Variants in TRIML1 observed in about 807,000 individuals in gnomAD.
TRIML1 encodes the protein tripartite motif family like 1.
TRIML1 carries 34 observed loss-of-function variants against 32.3 expected under a neutral mutation model. The observed-to-expected ratio is 1.05, with a 90% CI of 0.80 to 1.40. The LOEUF is 1.40. TRIML1 is among the 40% of genes most tolerant of loss of function. The probability of loss-of-function intolerance (pLI) is 0.00; values close to 1 mark genes in which losing one functional copy is unlikely to be tolerated. For synonymous variants in TRIML1, 244 were observed against 226.6 expected, an observed-to-expected ratio of 1.08 and a Z score of -0.69; for missense variants, 595 against 574.9, an observed-to-expected ratio of 1.03 and a Z score of -0.36.
At chr4:188,146,520 G>C (rs889118836) in intron 5 of TRIML1, among the ~76,000 whole-genome samples, 3 of 151,996 alleles carry the variant, frequency 2.0e-5, no homozygotes, top group Non-Finnish European at 4.4e-5. Flanking sequence ...AGCAATTCTC[G>C]TGCCTCAGCC....
At chr4:188,141,161 A>T (rs6553161) in intron 2 of TRIML1, among the ~76,000 whole-genome samples, 46,657 of 141,504 alleles carry the variant, frequency 0.33, 8,446 homozygotes, top group African/African-American at 0.47. Flanking sequence ...AGACTTTGAA[A>T]TCTGTTTTTT....
At position 188,139,883 on chromosome 4, in the gene TRIML1, G is replaced by A. The variant is rs140603000; in HGVS notation, c.325G>A (p.Glu109Lys). ...PTTAKALSDD[E>K]QGGSAFVAQS... The stretch of plus-strand genomic sequence containing the variant: ...CACTGCCAAGGCGCTCTCCGATGAC[G>A]AGCAGGGTGGAAGCGCCTTCGTAGC... The change falls in exon 1 of 6, where the codon GAG becomes AAG. Residue 109 changes from glutamate (E) to lysine (K), a missense_variant. Coordinates refer to ENST00000332517, the MANE Select transcript of TRIML1 (RefSeq NM_178556.5). The A allele has an allele frequency of 3.7e-5, 59 of 1,613,718 alleles. 1 individual carries two copies. The highest frequency in any genetic ancestry group is 2.1e-5 in the Non-Finnish European group (25 of 1,180,016).
At chr4:188,148,826 C>T (rs939164173), downstream of TRIML1, among the ~76,000 whole-genome samples, 2 of 150,924 alleles carry the variant, frequency 1.3e-5, no homozygotes, top group Non-Finnish European at 2.9e-5. Context: ...GGTCTTGAAC[C>T]CCTGACCTCA....
At chr4:188,138,267 AC>A (rs1291974981), upstream of TRIML1, among the ~76,000 whole-genome samples, 12 of 152,270 alleles carry the variant, frequency 7.9e-5, no homozygotes, top group African/African-American at 2.9e-4. Flanking sequence ...AAAACATCCA[AC>A]ATCCTGTTGG....
chr4:188,139,675 TCTC>T lies in TRIML1; in HGVS notation c.121_123del (p.Leu41del), dbSNP rs770949290. The stretch of plus-strand genomic sequence containing the variant: ...GTGGGCACAGCTTTTGTCTGGTGTG[TCTC>T]CTCAGGAGCTGGGAGGAACATAACA... On this transcript the variant is annotated inframe_deletion, in exon 1 of 6. Transcript: ENST00000332517. 6.2e-7 allele frequency: 1 copy of T among 1,614,076 alleles called. No homozygotes were observed. Among genetic ancestry groups the T allele is most frequent in the Non-Finnish European group, 8.5e-7 (1 of 1,180,014 alleles).
chr4:188,141,678 C>T (rs62354298), intron 2 of TRIML1, among the ~76,000 whole-genome samples: 14,714 of 152,090 alleles, frequency 0.097, 861 homozygotes, highest in East Asian at 0.24. Flanking sequence ...CTAGAACGAC[C>T]GCCTCCTGGG....
chr4:188,145,993 C>T (rs1033401279), intron 5 of TRIML1, among the ~76,000 whole-genome samples: 9 of 152,058 alleles, frequency 5.9e-5, no homozygotes, highest in East Asian at 1.9e-4. Flanking sequence ...ACTCAGTAAC[C>T]GTGTAATCTT....
At chr4:188,148,822 G>T (rs1735175407), downstream of TRIML1, among the ~76,000 whole-genome samples, 1 of 149,696 alleles carries the variant, frequency 6.7e-6, no homozygotes, top group Non-Finnish European at 1.5e-5. Flanking sequence ...GGCTGGTCTT[G>T]AACCCCTGAC....
At chr4:188,137,916 C>CTTTTTTTTTTTTTTTTT (rs1298700958), upstream of TRIML1, among the ~76,000 whole-genome samples, 6 of 131,522 alleles carry the variant, frequency 4.6e-5, 1 homozygote, top group Non-Finnish European at 8.0e-5. Flanking sequence ...CCTGGCCAAA[C>CTTTTTTTTTTTTTTTTT]TTTTTTTCTT....
rs1376659025 is a variant in TRIML1 at position 188,147,303 on chromosome 4, C to T, written c.1338C>T (p.Ser446=). ...SFQEALRPIF[S]PCLPNEGTNT... ...AAGAGGCCCTCAGGCCTATCTTTTC[C>T]CCCTGCCTCCCAAATGAGGGGACAA... The change falls in exon 6 of 6, where the codon TCC becomes TCT. Residue 446 remains serine, a synonymous_variant. Transcript: ENST00000332517. The T allele has an allele frequency of 3.3e-6, 5 of 1,538,294 alleles. No homozygotes were observed. Among genetic ancestry groups the T allele is most frequent in the Non-Finnish European group, 4.4e-6 (5 of 1,144,786 alleles).
upstream of TRIML1, among the ~76,000 whole-genome samples, chr4:188,138,261 C>T (rs567237062): frequency 2.6e-5 from 4 of 152,172 alleles, no homozygotes; most frequent in African/African-American, 7.2e-5. Flanking sequence ...GATAAGAAAA[C>T]ATCCAACATC....
chr4:188,141,184 T>TTTTTTG (rs1734840905), intron 2 of TRIML1, among the ~76,000 whole-genome samples: 1 of 117,388 alleles, frequency 8.5e-6, no homozygotes, highest in African/African-American at 3.1e-5. Flanking sequence ...TTTTTTTTTT[T>TTTTTTG]GGAGATGGAG....
At chr4:188,148,629 A>C (rs1315430793), downstream of TRIML1, among the ~76,000 whole-genome samples, 1 of 151,358 alleles carries the variant, frequency 6.6e-6, no homozygotes, top group Non-Finnish European at 1.5e-5. Context: ...TTAAGATGCA[A>C]TCTCGCTCTG....
At position 188,140,573 on chromosome 4, in the gene TRIML1, G is replaced by C; in HGVS notation, c.454G>C (p.Glu152Gln). 5 of 1,614,128 alleles carry C rather than the reference G, an allele frequency of 3.1e-6. No individual in the cohort carries two copies. Among genetic ancestry groups the C allele is most frequent in the Non-Finnish European group, 4.2e-6 (5 of 1,179,990 alleles). ...GAATCTTTTGCGTGTAAGGAGAAAG[G>C]AAGCTCAGGCTGTACTAACCCATGA... ...ILNLLRVRRK[E>Q]AQAVLTHEKE... Residue 152 changes from glutamate (E) to glutamine (Q), a missense_variant, in exon 2 of 6, where the codon GAA becomes CAA. By Grantham distance (29) the Glu-to-Gln change is conservative. Transcript: ENST00000332517.
intron 5 of TRIML1, 136 bp from the exon 6 acceptor site, chr4:188,146,686 C>T (rs140469060): frequency 2.1e-5 from 13 of 621,646 alleles, no homozygotes; most frequent in East Asian, 9.2e-5. Context: ...GCATTACAGG[C>T]GCGAGCCATC....
At chr4:188,145,165 C>T (rs555441859) in intron 5 of TRIML1, among the ~76,000 whole-genome samples, 18 of 152,018 alleles carry the variant, frequency 1.2e-4, no homozygotes, top group Middle Eastern at 3.4e-3. Flanking sequence ...GGGCCGGGTG[C>T]GGTGGCTCAC....
chr4:188,145,722 C>T (rs1735052531), intron 5 of TRIML1, among the ~76,000 whole-genome samples: 1 of 151,958 alleles, frequency 6.6e-6, no homozygotes, highest in Non-Finnish European at 1.5e-5. Flanking sequence ...GAGGCTGAGG[C>T]AAGAGAATCA....
chr4:188,141,004 A>T (rs1473531433), intron 2 of TRIML1: 1 of 162,854 alleles, frequency 6.1e-6, no homozygotes, highest in East Asian at 1.7e-4. Context: ...AGAGACAGAG[A>T]TATAAAAGCA....
chr4:188,140,091 A>C, intron 1 of TRIML1, 125 bp downstream of exon 1: 4 of 995,144 alleles, frequency 4.0e-6, no homozygotes, highest in Non-Finnish European at 5.8e-6. Context: ...CACATCACAA[A>C]CTGGCGTGGG....
Sources: gnomAD v4.1 joint callset for allele counts (sites outside exome capture counted in the v4.1 genomes callset) on GRCh38, gnomAD v4.1.1 for gene constraint, MANE v1.5 for transcripts, NCBI Gene and HGNC (gene_info 2026-07-23, HGNC 2026-07-21) for gene names.